The following WWOX variants were observed in gnomAD, a reference collection of about 807,000 sequenced individuals.
WWOX encodes WW domain-containing oxidoreductase.
In WWOX, 69 loss-of-function variants were observed where a neutral mutation model predicts 46.2. That is an observed-to-expected ratio of 1.49 (90% CI 1.23 to 1.82). WWOX has a LOEUF of 1.82. Ranked by LOEUF, WWOX falls within the 40% of genes most tolerant of loss-of-function variation. The pLI is 0.00. For synonymous variants in WWOX, 359 were observed against 202.6 expected, an observed-to-expected ratio of 1.77 and a Z score of -6.56; for missense variants, 919 against 542.6, an observed-to-expected ratio of 1.69 and a Z score of -6.89.
intron 8 of WWOX, among the ~76,000 whole-genome samples, chr16:78,968,939 T>G (rs759680519): frequency 1.3e-5 from 2 of 151,828 alleles, no homozygotes; most frequent in African/African-American, 2.4e-5. Context: ...AAAGACAACT[T>G]GAAATAGCAC....
chr16:78,771,209 T>G (rs1052686889), intron 8 of WWOX, among the ~76,000 whole-genome samples: 66 of 152,310 alleles, frequency 4.3e-4, no homozygotes, highest in African/African-American at 1.5e-3. Flanking sequence ...GGAACTGACT[T>G]ACTCTTTGAA....
intron 8 of WWOX, among the ~76,000 whole-genome samples, chr16:78,770,442 A>G (rs184496442): frequency 2.6e-4 from 39 of 152,332 alleles, no homozygotes; most frequent in Admixed American, 5.2e-4. Flanking sequence ...CACCCAGGAA[A>G]GAGCAAATCT....
chr16:78,877,450 T>G (rs551594806), intron 8 of WWOX, among the ~76,000 whole-genome samples: 1 of 152,302 alleles, frequency 6.6e-6, no homozygotes, highest in African/African-American at 2.4e-5. Context: ...GAGCTGTTCT[T>G]CTCCAAAAGG....
At chr16:78,705,674 T>A (rs779218898) in intron 8 of WWOX, among the ~76,000 whole-genome samples, 1 of 152,246 alleles carries the variant, frequency 6.6e-6, no homozygotes, top group Non-Finnish European at 1.5e-5. Flanking sequence ...AACTGTTTAT[T>A]TAGTTATTTA....
rs563463825 is a variant in WWOX, at chr16:78,405,856, A to C, written c.605+18908A>C. Reference sequence around the variant, plus strand: ...TTATTCACTTTCCTGAGGGCCACACACATAATGAGAGGCAGACACAGGTGA... The same window carrying C: ...TTATTCACTTTCCTGAGGGCCACACCCATAATGAGAGGCAGACACAGGTGA... On this transcript the variant is annotated intron_variant, in intron 6 of 8. Transcript: ENST00000566780. 4.6e-5 allele frequency among the ~76,000 whole-genome samples: 7 copies of C among 152,298 alleles called. No homozygotes were observed. In the East Asian group the frequency reaches 1.4e-3, roughly 29 times the overall value.
intron 8 of WWOX, among the ~76,000 whole-genome samples, chr16:79,085,945 A>G (rs997033330): frequency 8.6e-5 from 13 of 152,044 alleles, no homozygotes; most frequent in Admixed American, 8.5e-4. Context: ...CCAGCTACTC[A>G]CCTGTAGTCC....
At chr16:78,958,405 A>T (rs1400552681) in intron 8 of WWOX, among the ~76,000 whole-genome samples, 1 of 152,228 alleles carries the variant, frequency 6.6e-6, no homozygotes, top group African/African-American at 2.4e-5. Flanking sequence ...GTAAAAATGG[A>T]TAGAGTTCAT....
intron 5 of WWOX, among the ~76,000 whole-genome samples, chr16:78,256,447 T>G (rs1235362394): frequency 6.6e-6 from 1 of 151,890 alleles, no homozygotes; most frequent in Non-Finnish European, 1.5e-5. Context: ...AAAGGAAATT[T>G]TTGCTCCAAT....
chr16:79,180,729 ATCTG>A (rs1567602131), intron 8 of WWOX, among the ~76,000 whole-genome samples: 1 of 150,210 alleles, frequency 6.7e-6, no homozygotes, highest in African/African-American at 2.5e-5. Context: ...CTCCCTGTCT[ATCTG>A]TCTGTGTATA....
At chr16:78,797,857 G>T (rs1377294092) in intron 8 of WWOX, among the ~76,000 whole-genome samples, 1 of 152,180 alleles carries the variant, frequency 6.6e-6, no homozygotes, top group Non-Finnish European at 1.5e-5. Flanking sequence ...GCGTGGTGGC[G>T]CGTGCCTGTA....
intron 8 of WWOX, among the ~76,000 whole-genome samples, chr16:78,618,683 G>T (rs1031642966): frequency 6.6e-6 from 1 of 152,028 alleles, no homozygotes; most frequent in African/African-American, 2.4e-5. Context: ...TGTTTGATCC[G>T]GGGGAATAAA....
intron 4 of WWOX, among the ~76,000 whole-genome samples, chr16:78,133,913 C>A (rs1468885760): frequency 6.6e-6 from 1 of 152,174 alleles, no homozygotes; most frequent in South Asian, 2.1e-4. Context: ...ATAAGTGATT[C>A]CAAATTTACA....
intron 8 of WWOX, among the ~76,000 whole-genome samples, chr16:78,999,800 A>C (rs1468278968): frequency 1.3e-5 from 2 of 152,174 alleles, no homozygotes; most frequent in Non-Finnish European, 2.9e-5. Context: ...AAAAGTGCAG[A>C]CTTCACCACT....
rs60560119 is a variant in WWOX at position 78,734,841 on chromosome 16, C to CTTTTTTTTTTTTTTTTTTTTT, written c.1056+302111_1056+302131dup. Among the ~76,000 whole-genome samples the CTTTTTTTTTTTTTTTTTTTTT allele has an allele frequency of 1.2e-4, 5 of 40,126 alleles. 2 individuals are homozygous for CTTTTTTTTTTTTTTTTTTTTT. Among genetic ancestry groups the CTTTTTTTTTTTTTTTTTTTTT allele is most frequent in the Admixed American group, 4.2e-4 (1 of 2,402 alleles). 26.3% of individuals were successfully genotyped at this position (40,126 alleles called of 152,430 possible). On this transcript the variant is annotated intron_variant, in intron 8 of 8. Transcript: ENST00000566780. ...GATGACTCAGGTGGGGACTTCAGTC[C>CTTTTTTTTTTTTTTTTTTTTT]TTTTTTTTTTTTTTTTTTTTTTTTT... is the stretch of plus-strand genomic sequence containing the variant.
intron 8 of WWOX, among the ~76,000 whole-genome samples, chr16:78,906,157 AC>A (rs2044958241): frequency 6.6e-6 from 1 of 152,056 alleles, no homozygotes; most frequent in Admixed American, 6.5e-5. Context: ...CCTCAGCGAA[AC>A]CTCAGCCATC....
chr16:79,146,609 G>A lies in WWOX; in HGVS notation c.1057-64999G>A, dbSNP rs78237651. On this transcript the variant is annotated intron_variant, in intron 8 of 8. Transcript: ENST00000566780. Reference sequence around the variant, plus strand: ...GATAATAACAGCCATTTTAGAGTTCGTATTAATATTTAAGTGGGAGAATGC... The same window carrying A: ...GATAATAACAGCCATTTTAGAGTTCATATTAATATTTAAGTGGGAGAATGC... 1.8e-3 allele frequency among the ~76,000 whole-genome samples: 270 copies of A among 152,202 alleles called. 1 individual carries two copies. Among genetic ancestry groups the A allele is most frequent in the African/African-American group, 5.8e-3 (241 of 41,528 alleles).
intron 4 of WWOX, among the ~76,000 whole-genome samples, chr16:78,142,996 G>C (rs1421820108): frequency 6.6e-6 from 1 of 152,228 alleles, no homozygotes; most frequent in East Asian, 1.9e-4. Context: ...CAGAATTCTA[G>C]AATCCAAAAA....
At chr16:79,174,349 C>T (rs1004698360) in intron 8 of WWOX, among the ~76,000 whole-genome samples, 1 of 152,158 alleles carries the variant, frequency 6.6e-6, no homozygotes, top group Non-Finnish European at 1.5e-5. Flanking sequence ...GCAAATCCTT[C>T]AAGATTAAGA....
intron 8 of WWOX, among the ~76,000 whole-genome samples, chr16:78,492,582 G>T (rs2084810066): frequency 6.6e-6 from 1 of 152,192 alleles, no homozygotes; most frequent in Non-Finnish European, 1.5e-5. Flanking sequence ...CCTGCCACTA[G>T]GAGATATTCA....
Sources: allele counts gnomAD v4.1 joint callset (sites outside exome capture counted in the v4.1 genomes callset), GRCh38; gene constraint gnomAD v4.1.1; transcripts MANE v1.5; gene names NCBI Gene and HGNC (gene_info 2026-07-23, HGNC 2026-07-21).